Variants in KIAA0825 observed in about 807,000 individuals in gnomAD.
KIAA0825 encodes KIAA0825.
KIAA0825 carries 119 observed loss-of-function variants against 147.6 expected under a neutral mutation model. The ratio of observed to expected loss-of-function variants is 0.81; its 90% CI spans 0.69 to 0.94. The LOEUF is 0.94. Ranked by LOEUF, KIAA0825 falls within the 40% of genes least tolerant of loss-of-function variation. KIAA0825 has a pLI of 0.00. For missense variants in KIAA0825, 1,381 were observed against 1,472.7 expected (o/e 0.94, Z 1.02); for synonymous variants, 470 against 518.1 (o/e 0.91, Z 1.26).
chr5:94,616,545 CAT>C (rs1491499585), intron 1 of KIAA0825, among the ~76,000 whole-genome samples: 24 of 152,096 alleles, frequency 1.6e-4, no homozygotes, highest in African/African-American at 5.1e-4. Flanking sequence ...CACACACACA[CAT>C]GCACACACAA....
At chr5:94,564,820 TATC>T (rs879747809) in intron 2 of KIAA0825, among the ~76,000 whole-genome samples, 3 of 152,176 alleles carry the variant, frequency 2.0e-5, no homozygotes, top group Non-Finnish European at 2.9e-5. Context: ...AGGTTCAACT[TATC>T]CCTGTGCAGG....
intron 14 of KIAA0825, among the ~76,000 whole-genome samples, chr5:94,421,782 A>G (rs1754225170): frequency 6.6e-6 from 1 of 152,138 alleles, no homozygotes; most frequent in African/African-American, 2.4e-5. Context: ...ATTTTCTATG[A>G]TTCCCCAATA....
chr5:94,240,123 G>A (rs1775273194), intron 20 of KIAA0825, among the ~76,000 whole-genome samples: 1 of 152,186 alleles, frequency 6.6e-6, no homozygotes, highest in Non-Finnish European at 1.5e-5. Flanking sequence ...GAAATAAACA[G>A]TCCTTAACCA....
At chr5:94,369,545 G>A (rs1330509841) in intron 20 of KIAA0825, among the ~76,000 whole-genome samples, 1 of 152,156 alleles carries the variant, frequency 6.6e-6, no homozygotes, top group Non-Finnish European at 1.5e-5. Context: ...AGAATGAGAG[G>A]ATTGAGGCTA....
At chr5:94,478,451 TCACA>T (rs6149119) in intron 6 of KIAA0825, among the ~76,000 whole-genome samples, 1,930 of 146,226 alleles carry the variant, frequency 0.013, 24 homozygotes, top group Non-Finnish European at 0.021. Context: ...CACATGTGCA[TCACA>T]CACACACACA....
intron 20 of KIAA0825, among the ~76,000 whole-genome samples, chr5:94,172,450 A>G (rs559787493): frequency 1.3e-5 from 2 of 152,336 alleles, no homozygotes; most frequent in African/African-American, 4.8e-5. Flanking sequence ...TTAGTTATTC[A>G]TTACTGCTTA....
intron 20 of KIAA0825, among the ~76,000 whole-genome samples, chr5:94,340,120 G>A (rs1451719594): frequency 6.6e-6 from 1 of 151,764 alleles, no homozygotes; most frequent in Admixed American, 6.6e-5. Context: ...GTTGTTTTTT[G>A]ATATCCATGG....
chr5:94,197,703 T>C (rs1771265614), intron 20 of KIAA0825, among the ~76,000 whole-genome samples: 1 of 152,338 alleles, frequency 6.6e-6, no homozygotes, highest in South Asian at 2.1e-4. Context: ...GCTAGCCGGT[T>C]ATCCCAGCAC....
intron 15 of KIAA0825, chr5:94,416,940 A>T: frequency 3.3e-6 from 1 of 301,938 alleles, no homozygotes; most frequent in Non-Finnish European, 6.2e-6. Flanking sequence ...AATTTTTATG[A>T]TAGAACATTC....
chr5:94,283,889 C>A lies in KIAA0825; in HGVS notation c.3710+100479G>T, dbSNP rs1019212442. ...CCTAAATTGGCACCACAGGAATAATCTACTGATTTTCTAAGTGTTGATGGA... is the reference window on the plus strand; with the variant it reads ...CCTAAATTGGCACCACAGGAATAATATACTGATTTTCTAAGTGTTGATGGA... On this transcript the variant is annotated intron_variant, in intron 20 of 20. Coordinates refer to ENST00000682413, the MANE Select transcript of KIAA0825 (RefSeq NM_001145678.3). Among the ~76,000 whole-genome samples, 3 of 152,188 alleles carry A rather than the reference C, an allele frequency of 2.0e-5. No homozygotes were observed. The Middle Eastern group carries it at 0.01, about 518-fold the overall frequency.
intron 20 of KIAA0825, among the ~76,000 whole-genome samples, chr5:94,379,172 T>G (rs143808791): frequency 8.5e-4 from 130 of 152,344 alleles, no homozygotes; most frequent in African/African-American, 3.1e-3. Context: ...TCGTGAAATC[T>G]TTGCCAAGGC....
Position 94,153,697 on chromosome 5 carries a change from TTCC to T in KIAA0825, c.*307_*309del, listed in dbSNP as rs1766770107. 4.9e-6 allele frequency: 1 copy of T among 202,258 alleles called. No individual in the cohort carries two copies. Among genetic ancestry groups the T allele is most frequent in the Non-Finnish European group, 9.8e-6 (1 of 101,654 alleles). The allele number at this position is 202,258 out of a possible 1,614,324, so 12.5% of individuals were successfully genotyped here. A position where few individuals can be genotyped will look rare whatever the true frequency, so the allele number is the denominator to read the frequency against. On this transcript the variant is annotated 3_prime_UTR_variant, in exon 21 of 21. Coordinates refer to ENST00000682413, the MANE Select transcript of KIAA0825 (RefSeq NM_001145678.3). ...CCTTTAAAAAATTTCTGAACATTTCTTCCTGTTGTCATAGATACTTCAAGACTG... is the reference window on the plus strand; with the variant it reads ...CCTTTAAAAAATTTCTGAACATTTCTTGTTGTCATAGATACTTCAAGACTG...
At chr5:94,287,262 C>T (rs776195914) in intron 20 of KIAA0825, among the ~76,000 whole-genome samples, 2 of 152,158 alleles carry the variant, frequency 1.3e-5, no homozygotes, top group Non-Finnish European at 2.9e-5. Flanking sequence ...TGACTTGTAG[C>T]TATCAACATA....
intron 14 of KIAA0825, among the ~76,000 whole-genome samples, chr5:94,428,856 A>G (rs1755262073): frequency 6.6e-6 from 1 of 152,106 alleles, no homozygotes; most frequent in Non-Finnish European, 1.5e-5. Flanking sequence ...TGGTCACTTT[A>G]CATAGTACCA....
chr5:94,332,298 T>C (rs1037080066), intron 20 of KIAA0825, among the ~76,000 whole-genome samples: 7 of 151,852 alleles, frequency 4.6e-5, no homozygotes, highest in African/African-American at 1.7e-4. Flanking sequence ...TACATAGGTA[T>C]ACACGTGCCA....
chr5:94,537,901 A>G (rs915341145), intron 2 of KIAA0825, among the ~76,000 whole-genome samples: 3 of 152,184 alleles, frequency 2.0e-5, no homozygotes, highest in African/African-American at 7.2e-5. Context: ...TGAAAGATAC[A>G]AAACTGTCCT....
At chr5:94,565,091 T>C in intron 2 of KIAA0825, among the ~76,000 whole-genome samples, 1 of 127,906 alleles carries the variant, frequency 7.8e-6, no homozygotes, top group African/African-American at 3.1e-5. Flanking sequence ...TCTTTCTTGC[T>C]TTCCTTTTTT....
chr5:94,196,612 C>T (rs1281114932), intron 20 of KIAA0825, among the ~76,000 whole-genome samples: 1 of 152,070 alleles, frequency 6.6e-6, no homozygotes, highest in African/African-American at 2.4e-5. Context: ...GACCCTTATC[C>T]TCCTTCCACC....
At position 94,312,863 on chromosome 5, in the gene KIAA0825, G is replaced by A. The variant is rs188658898; in HGVS notation, c.3710+71505C>T. The stretch of plus-strand genomic sequence containing the variant: ...CTCCTAAATCAAATTAGATTCAAAG[G>A]GTCCCCCAAAACATTTTTGATAACT... On this transcript the variant is annotated intron_variant, in intron 20 of 20. Transcript: ENST00000682413. Among the ~76,000 whole-genome samples, 8 of 151,364 alleles carry A rather than the reference G, an allele frequency of 5.3e-5. No homozygotes were observed. In the East Asian group the frequency reaches 1.6e-3, roughly 30 times the overall value.
Sources: allele counts gnomAD v4.1 joint callset (sites outside exome capture counted in the v4.1 genomes callset), GRCh38; gene constraint gnomAD v4.1.1; transcripts MANE v1.5; gene names NCBI Gene and HGNC (gene_info 2026-07-23, HGNC 2026-07-21).